BNC2: variants seen among roughly 807,000 people sequenced by gnomAD.
BNC2 encodes the protein zinc finger protein basonuclin-2.
BNC2 carries 20 observed loss-of-function variants against 76.3 expected under a neutral mutation model. The ratio of observed to expected loss-of-function variants is 0.26; its 90% CI spans 0.18 to 0.38. The LOEUF (loss-of-function observed/expected upper bound fraction) is 0.38. BNC2 is among the 10% of genes least tolerant of loss of function. The probability of loss-of-function intolerance (pLI) is 1.00; values close to 1 mark genes in which losing one functional copy is unlikely to be tolerated. For missense variants in BNC2, 1,382 were observed against 1,399.8 expected (o/e 0.99, Z 0.20); for synonymous variants, 582 against 514.8 (o/e 1.13, Z -1.77).
intron 5 of BNC2, among the ~76,000 whole-genome samples, chr9:16,443,806 C>T (rs887927752): frequency 1.3e-5 from 2 of 152,130 alleles, no homozygotes; most frequent in African/African-American, 4.8e-5. Flanking sequence ...ATTATGGGAA[C>T]ATAAAGTGGA....
intron 5 of BNC2, among the ~76,000 whole-genome samples, chr9:16,508,379 A>AT (rs1203931397): frequency 2.0e-5 from 3 of 152,138 alleles, no homozygotes; most frequent in Non-Finnish European, 2.9e-5. Flanking sequence ...ACATCTTGCA[A>AT]TTAATAATAC....
intron 5 of BNC2, among the ~76,000 whole-genome samples, chr9:16,460,205 T>A (rs534958720): frequency 3.0e-4 from 46 of 151,878 alleles, no homozygotes; most frequent in Non-Finnish European, 4.9e-4. Context: ...CAGTAAAAGA[T>A]CACTGTTATT....
At chr9:16,802,286 C>T (rs142789208) in intron 1 of BNC2, among the ~76,000 whole-genome samples, 115 of 152,224 alleles carry the variant, frequency 7.6e-4, no homozygotes, top group African/African-American at 2.6e-3. Context: ...AAACAAGATG[C>T]CCGAGCAAAC....
intron 3 of BNC2, among the ~76,000 whole-genome samples, chr9:16,649,495 C>A (rs974854567): frequency 2.6e-5 from 4 of 152,072 alleles, no homozygotes; most frequent in African/African-American, 9.7e-5. Flanking sequence ...AGCACTGGTG[C>A]ACAAGAGCTT....
At chr9:16,626,430 TGC>T (rs1253639396) in intron 3 of BNC2, 2 of 152,222 alleles carry the variant, frequency 1.3e-5, no homozygotes, top group Admixed American at 1.3e-4. Context: ...AGATGCATGG[TGC>T]CCACCCAGTG....
chr9:16,469,203 C>G (rs898487644), intron 5 of BNC2, among the ~76,000 whole-genome samples: 2 of 41,036 alleles, frequency 4.9e-5, no homozygotes, highest in African/African-American at 3.0e-4. Context: ...AGTGAACATG[C>G]TCTCAAACAG....
intron 3 of BNC2, among the ~76,000 whole-genome samples, chr9:16,662,673 T>C (rs1179802810): frequency 2.0e-5 from 3 of 151,940 alleles, no homozygotes; most frequent in Admixed American, 6.6e-5. Flanking sequence ...GAGGTGGAGG[T>C]TGCAGTGAGC....
At chr9:16,512,166 T>C (rs1266082101) in intron 5 of BNC2, among the ~76,000 whole-genome samples, 6 of 152,188 alleles carry the variant, frequency 3.9e-5, no homozygotes, top group Non-Finnish European at 8.8e-5. Flanking sequence ...TTTTCTTTCC[T>C]TGAAGTGATG....
chr9:16,752,969 A>G (rs552997432), intron 1 of BNC2, among the ~76,000 whole-genome samples: 20 of 152,332 alleles, frequency 1.3e-4, no homozygotes, highest in African/African-American at 4.1e-4. Flanking sequence ...ACAGAACTGC[A>G]CAGAGCCTAA....
rs1454252208 is a variant in BNC2 at position 16,490,412 on chromosome 9, C to A, written c.670-52888G>T. Among the ~76,000 whole-genome samples the A allele has an allele frequency of 7.2e-5, 11 of 152,300 alleles. No homozygotes were observed. In the East Asian group the frequency reaches 2.1e-3, roughly 29 times the overall value. On this transcript the variant is annotated intron_variant, in intron 5 of 6. Transcript: ENST00000380672. ...ATTACCTCCCCCTGGGTCCCTCCCA[C>A]AACACGTGGGAATTCTGGGAGATAC...
At chr9:16,584,837 G>C (rs544185569) in intron 3 of BNC2, among the ~76,000 whole-genome samples, 106 of 152,164 alleles carry the variant, frequency 7.0e-4, no homozygotes, top group African/African-American at 2.5e-3. Flanking sequence ...AAAGAGCTTA[G>C]AGGACAGCAT....
chr9:16,758,510 T>C (rs1020548609), intron 1 of BNC2, among the ~76,000 whole-genome samples: 1 of 152,098 alleles, frequency 6.6e-6, no homozygotes, highest in South Asian at 2.1e-4. Flanking sequence ...TTTGTATTTG[T>C]AGTAGAGACA....
chr9:16,807,746 T>G (rs1162796254), intron 1 of BNC2, among the ~76,000 whole-genome samples: 3 of 152,236 alleles, frequency 2.0e-5, no homozygotes, highest in Admixed American at 6.5e-5. Context: ...AAGCTATTGT[T>G]ATCTAAAATA....
At chr9:16,759,573 T>C (rs1825492138) in intron 1 of BNC2, among the ~76,000 whole-genome samples, 1 of 152,094 alleles carries the variant, frequency 6.6e-6, no homozygotes, top group African/African-American at 2.4e-5. Flanking sequence ...TGAAAACAAA[T>C]CAAGAGAACA....
chr9:16,583,632 T>C (rs992141184), intron 3 of BNC2, among the ~76,000 whole-genome samples: 2 of 152,182 alleles, frequency 1.3e-5, no homozygotes, highest in African/African-American at 4.8e-5. Context: ...ACCTAACATA[T>C]TTCTATTATT....
intron 3 of BNC2, among the ~76,000 whole-genome samples, chr9:16,598,681 A>C (rs1820160841): frequency 1.3e-5 from 2 of 152,176 alleles, no homozygotes; most frequent in African/African-American, 4.8e-5. Flanking sequence ...ATTATAGAAA[A>C]GCATATGTTC....
chr9:16,483,727 T>C (rs936165925), intron 5 of BNC2, among the ~76,000 whole-genome samples: 1 of 152,210 alleles, frequency 6.6e-6, no homozygotes, highest in African/African-American at 2.4e-5. Flanking sequence ...TACTTATTTC[T>C]ACAGCAGCAA....
At position 16,794,789 on chromosome 9, in the gene BNC2, T is replaced by C. The variant is rs545632842; in HGVS notation, c.4-56304A>G. 1.7e-4 allele frequency among the ~76,000 whole-genome samples: 26 copies of C among 152,310 alleles called. No individual in the cohort carries two copies. In the South Asian group the frequency reaches 5.2e-3, roughly 30 times the overall value. On this transcript the variant is annotated intron_variant, in intron 1 of 6. Transcript: ENST00000380672. The stretch of plus-strand genomic sequence containing the variant: ...ACTTTTGGGGGTTTAGACCTCTCAA[T>C]CACTCCAGATTTGTTTTTCAAAAAA...
At chr9:16,802,147 C>T (rs1024788288) in intron 1 of BNC2, among the ~76,000 whole-genome samples, 1 of 152,182 alleles carries the variant, frequency 6.6e-6, no homozygotes, top group East Asian at 1.9e-4. Context: ...CTCAAGGATA[C>T]GCGGCATTGG....
Sources: gnomAD v4.1 joint callset for allele counts (sites outside exome capture counted in the v4.1 genomes callset) on GRCh38, gnomAD v4.1.1 for gene constraint, MANE v1.5 for transcripts, NCBI Gene and HGNC (gene_info 2026-07-23, HGNC 2026-07-21) for gene names.